LIPJ: variants seen among roughly 807,000 people sequenced by gnomAD.
The protein encoded by LIPJ is lipase family member J, also known as lipase member J.
A neutral mutation model predicts 39.8 loss-of-function variants in LIPJ; 33 were observed. The observed-to-expected ratio is 0.83, with a 90% CI of 0.63 to 1.11. LIPJ has a LOEUF of 1.11. Among genes scored for constraint, LIPJ ranks in the 50% least tolerant of loss-of-function variants. The probability of loss-of-function intolerance (pLI) is 0.00; values close to 1 mark genes in which losing one functional copy is unlikely to be tolerated. For synonymous variants in LIPJ, 128 were observed against 139.2 expected (o/e 0.92, Z 0.57); for missense variants, 422 against 427.9 (o/e 0.99, Z 0.12).
chr10:88,619,645 T>C, the LIPJ span, among the ~76,000 whole-genome samples: 1 of 152,166 alleles, frequency 6.6e-6, no homozygotes, highest in Non-Finnish European at 1.5e-5. Flanking sequence ...TCTGGGGTCC[T>C]TAAAACCTTT....
Position 88,605,611 on chromosome 10 carries a change from T to G in LIPJ, c.796-22T>G, listed in dbSNP as rs112575749. On this transcript the variant is annotated intron_variant, in intron 9 of 10. Transcript: ENST00000371939. ...ACTGTAATGAACAAATGATATGGTC[T>G]TATTTTTTGTTTCTCTTTCAGCTTT... The G allele has an allele frequency of 4.5e-4, 699 of 1,556,150 alleles. 4 individuals are homozygous for G. The African/African-American group carries it at 7.8e-3, about 17-fold the overall frequency.
intron 4 of LIPJ, chr10:88,592,981 T>A (rs1445222815): frequency 6.6e-6 from 1 of 151,936 alleles, no homozygotes; most frequent in African/African-American, 2.4e-5. Context: ...CAGACCTTCA[T>A]CCCTAGGGGC....
downstream of LIPJ, among the ~76,000 whole-genome samples, chr10:88,610,468 C>T (rs142608510): frequency 9.3e-3 from 1,423 of 152,268 alleles, 18 homozygotes; most frequent in Middle Eastern, 0.027. Context: ...AAGATATCCA[C>T]TCTTCCCAAA....
chr10:88,608,091 C>T (rs566227617), downstream of LIPJ, among the ~76,000 whole-genome samples: 2 of 152,300 alleles, frequency 1.3e-5, no homozygotes, highest in Admixed American at 1.3e-4. Context: ...ACTAGTTAAC[C>T]ATAGCCTAAC....
chr10:88,594,019 C>T (rs761360353), exon 5 of LIPJ: 2 of 1,612,202 alleles, frequency 1.2e-6, no homozygotes, highest in African/African-American at 1.3e-5. Context: ...ATCTTCCCAA[C>T]AATAGTCTGG....
intron 9 of LIPJ, among the ~76,000 whole-genome samples, chr10:88,603,027 G>A (rs1269111121): frequency 3.3e-5 from 5 of 152,112 alleles, no homozygotes; most frequent in African/African-American, 1.2e-4. Context: ...GGGAGGTGGA[G>A]GTTGCAATGA....
At chr10:88,615,927 G>A in the LIPJ span, among the ~76,000 whole-genome samples, 6 of 152,280 alleles carry the variant, frequency 3.9e-5, no homozygotes, top group African/African-American at 1.2e-4. Flanking sequence ...ACAATAAAAT[G>A]GAGGCCTGGC....
chr10:88,596,990 A>G (rs1738697414), intron 8 of LIPJ, 54 bp downstream of exon 8: 3 of 1,025,628 alleles, frequency 2.9e-6, no homozygotes, highest in Non-Finnish European at 4.3e-6. Flanking sequence ...TGGAAAGTAT[A>G]ATAATAATAG....
chr10:88,597,555 G>C (rs1174079752), intron 8 of LIPJ, among the ~76,000 whole-genome samples: 3 of 151,840 alleles, frequency 2.0e-5, no homozygotes, highest in Non-Finnish European at 4.4e-5. Flanking sequence ...CTAGAGGTTG[G>C]TTCTTGTACC....
chr10:88,611,534 G>A (rs2134594875), downstream of LIPJ, among the ~76,000 whole-genome samples: 1 of 152,230 alleles, frequency 6.6e-6, no homozygotes, highest in Non-Finnish European at 1.5e-5. Context: ...AATAAGAAAG[G>A]AAAATTCTTA....
the LIPJ span, among the ~76,000 whole-genome samples, chr10:88,613,768 G>GTATATA: frequency 5.3e-5 from 2 of 37,794 alleles, no homozygotes; most frequent in Non-Finnish European, 1.1e-4. Flanking sequence ...ATATGTGTGT[G>GTATATA]TGTATATATA....
intron 10 of LIPJ, among the ~76,000 whole-genome samples, chr10:88,606,281 A>T (rs976195404): frequency 1.5e-4 from 23 of 152,204 alleles, no homozygotes; most frequent in Non-Finnish European, 2.9e-5. Flanking sequence ...ATAAAATTTG[A>T]AGATCAAATT....
intron 2 of LIPJ, 26 bp downstream of exon 2, chr10:88,587,418 G>C (rs1399165578): frequency 6.6e-6 from 1 of 152,044 alleles, no homozygotes; most frequent in African/African-American, 2.4e-5. Context: ...TTTCATTGTT[G>C]TGTGTTGTAC....
chr10:88,606,066 T>C (rs1046112297), intron 10 of LIPJ, among the ~76,000 whole-genome samples: 3 of 152,084 alleles, frequency 2.0e-5, no homozygotes, highest in Non-Finnish European at 4.4e-5. Context: ...GTTATTCTAT[T>C]TGGAAAGATA....
At chr10:88,620,041 C>G in the LIPJ span, among the ~76,000 whole-genome samples, 1 of 152,026 alleles carries the variant, frequency 6.6e-6, no homozygotes, top group Non-Finnish European at 1.5e-5. Flanking sequence ...AAGAAACAAA[C>G]AACTAATTAA....
chr10:88,620,103 CT>C, the LIPJ span, among the ~76,000 whole-genome samples: 4 of 151,168 alleles, frequency 2.6e-5, no homozygotes, highest in Non-Finnish European at 4.4e-5. Context: ...TATGGGAAAA[CT>C]TTTTTTTTGT....
the LIPJ span, among the ~76,000 whole-genome samples, chr10:88,613,646 T>C: frequency 6.6e-6 from 1 of 150,782 alleles, no homozygotes; most frequent in African/African-American, 2.4e-5. Context: ...ACAGCAGTGA[T>C]AGAAAGCAGA....
intron 2 of LIPJ, among the ~76,000 whole-genome samples, chr10:88,588,881 AG>A (rs1168763199): frequency 3.3e-5 from 5 of 151,876 alleles, no homozygotes; most frequent in Non-Finnish European, 5.9e-5. Context: ...GCAAATAATA[AG>A]GTTAATTTCA....
chr10:88,598,270 A>C (rs1220006068), intron 8 of LIPJ, among the ~76,000 whole-genome samples: 1 of 152,028 alleles, frequency 6.6e-6, no homozygotes, highest in East Asian at 1.9e-4. Context: ...AGAATCTGGT[A>C]GTTTGTGAAA....
Sources: allele counts gnomAD v4.1 joint callset (sites outside exome capture counted in the v4.1 genomes callset), GRCh38; gene constraint gnomAD v4.1.1; transcripts MANE v1.5; gene names NCBI Gene and HGNC (gene_info 2026-07-23, HGNC 2026-07-21).